Variants in ARHGAP32 observed in about 807,000 individuals in gnomAD.
ARHGAP32 encodes rho GTPase-activating protein 32.
A neutral mutation model predicts 186.5 loss-of-function variants in ARHGAP32; 51 were observed. The observed-to-expected ratio is 0.27, with a 90% CI of 0.22 to 0.35. The LOEUF is 0.35. Ranked by LOEUF, ARHGAP32 falls within the 10% of genes least tolerant of loss-of-function variation. The pLI is 1.00. For missense variants in ARHGAP32, 2,186 were observed against 2,623.5 expected (o/e 0.83, Z 3.64); for synonymous variants, 950 against 964.3 (o/e 0.99, Z 0.27).
At chr11:129,192,400 G>A (rs1944288379), upstream of ARHGAP32, among the ~76,000 whole-genome samples, 1 of 152,104 alleles carries the variant, frequency 6.6e-6, no homozygotes, top group Admixed American at 6.5e-5. Context: ...TGCCATACTG[G>A]TGACACCTAG....
At chr11:129,050,299 C>T (rs617620) in intron 10 of ARHGAP32, among the ~76,000 whole-genome samples, 135,717 of 152,280 alleles carry the variant, frequency 0.89, 60,760 homozygotes, top group African/African-American at 0.97. Flanking sequence ...TTGCCATTCA[C>T]ATATCCTTTT....
intron 1 of ARHGAP32, among the ~76,000 whole-genome samples, chr11:129,266,995 T>A (rs1056037296): frequency 2.0e-5 from 3 of 152,144 alleles, no homozygotes; most frequent in Admixed American, 1.3e-4. Flanking sequence ...GTGTACAGGC[T>A]GGAGTTCCAC....
intron 1 of ARHGAP32, among the ~76,000 whole-genome samples, chr11:129,215,671 T>C (rs79275758): frequency 0.014 from 2,071 of 152,270 alleles, 23 homozygotes; most frequent in Non-Finnish European, 0.023. Context: ...CTGACTCTCC[T>C]GTCTCTCTGA....
At chr11:129,072,015 G>C (rs1940885214) in intron 6 of ARHGAP32, among the ~76,000 whole-genome samples, 1 of 152,166 alleles carries the variant, frequency 6.6e-6, no homozygotes, top group Non-Finnish European at 1.5e-5. Flanking sequence ...TGAATTCATA[G>C]AAGCAGAGTT....
At chr11:129,173,443 G>A (rs949273644) in intron 1 of ARHGAP32, among the ~76,000 whole-genome samples, 9 of 152,052 alleles carry the variant, frequency 5.9e-5, no homozygotes, top group African/African-American at 1.9e-4. Flanking sequence ...AATTAAAAAG[G>A]AGGGACTCCT....
intron 1 of ARHGAP32, among the ~76,000 whole-genome samples, chr11:129,274,791 G>A (rs1945512344): frequency 6.6e-6 from 1 of 151,660 alleles, no homozygotes; most frequent in Non-Finnish European, 1.5e-5. Context: ...ACTCTGAGAA[G>A]CATGCCATAA....
chr11:129,192,107 T>G lies in ARHGAP32; in HGVS notation c.92A>C (p.Glu31Ala). Residue 31 changes from glutamate (E) to alanine (A), a missense_variant, in exon 1 of 23, where the codon GAG becomes GCG. Around this residue, in one of 5 missense-constraint regions of ARHGAP32, gnomAD observed 108 missense variants for 116.8 expected, o/e 0.92. Coordinates refer to ENST00000682385, the MANE Select transcript of ARHGAP32 (RefSeq NM_001378024.1). ...CCTGAACTTCTCTTCCCTTTCTTCC[T>G]CTTCACAGTCAGTCACCTGGATTAT... ...EVIIQVTDCE[E>A]EEREEKFRKM... The G allele has an allele frequency of 2.5e-6, 4 of 1,613,712 alleles. No homozygotes were observed. Among genetic ancestry groups the G allele is most frequent in the Non-Finnish European group, 3.4e-6 (4 of 1,179,708 alleles).
At chr11:129,073,758 AAAAC>A (rs1693089449) in intron 6 of ARHGAP32, among the ~76,000 whole-genome samples, 1 of 149,808 alleles carries the variant, frequency 6.7e-6, no homozygotes, top group Non-Finnish European at 1.5e-5. Context: ...CCTCAAAAAA[AAAAC>A]AAACAAAAAA....
intron 6 of ARHGAP32, among the ~76,000 whole-genome samples, chr11:129,091,889 T>C (rs1941586899): frequency 6.6e-6 from 1 of 152,052 alleles, no homozygotes; most frequent in South Asian, 2.1e-4. Flanking sequence ...TATAAAAAAG[T>C]ATGATTCTAG....
At chr11:129,205,962 G>T (rs1944509487) in intron 1 of ARHGAP32, among the ~76,000 whole-genome samples, 1 of 151,460 alleles carries the variant, frequency 6.6e-6, no homozygotes, top group South Asian at 2.1e-4. Flanking sequence ...GAACCAATAG[G>T]TATCTATTAC....
At chr11:129,230,796 C>T (rs1206140515) in intron 1 of ARHGAP32, among the ~76,000 whole-genome samples, 3 of 151,950 alleles carry the variant, frequency 2.0e-5, no homozygotes, top group Non-Finnish European at 4.4e-5. Flanking sequence ...ATATAAAAAT[C>T]CATAAAAAAG....
chr11:129,187,412 T>C (rs1443135118), intron 1 of ARHGAP32, among the ~76,000 whole-genome samples: 2 of 152,158 alleles, frequency 1.3e-5, no homozygotes, highest in East Asian at 1.9e-4. Context: ...GGATAGTTAA[T>C]GGGTCCAAAA....
intron 2 of ARHGAP32, among the ~76,000 whole-genome samples, chr11:129,160,452 C>A (rs1943505565): frequency 1.3e-5 from 2 of 152,102 alleles, no homozygotes; most frequent in South Asian, 4.1e-4. Flanking sequence ...TTCCTATACA[C>A]CAATAATAGA....
At chr11:129,018,652 T>C (rs559033603) in intron 11 of ARHGAP32, among the ~76,000 whole-genome samples, 2 of 152,272 alleles carry the variant, frequency 1.3e-5, no homozygotes, top group South Asian at 4.1e-4. Context: ...CTTGATTATA[T>C]CAGTTAAATT....
At chr11:129,198,119 T>A (rs1488937393) in intron 1 of ARHGAP32, among the ~76,000 whole-genome samples, 1 of 152,184 alleles carries the variant, frequency 6.6e-6, no homozygotes, top group Non-Finnish European at 1.5e-5. Flanking sequence ...ACACATGTAT[T>A]CAAAGGGAGA....
rs780126654 is a variant in ARHGAP32 at position 128,995,789 on chromosome 11, C to T, written c.1195+2530G>A. On this transcript the variant is annotated intron_variant, in intron 12 of 22. Transcript: ENST00000682385. The stretch of plus-strand genomic sequence containing the variant: ...AGGAGGCAGAGGTTGCAGTGAGCTG[C>T]GATTGGGCCACTGCACTCCAGCCTG... Among the ~76,000 whole-genome samples the T allele has an allele frequency of 6.6e-5, 10 of 152,146 alleles. No individual in the cohort carries two copies. In the East Asian group the frequency reaches 7.7e-4, roughly 12 times the overall value.
chr11:128,978,679 AAGC>A (rs1202401612), intron 19 of ARHGAP32, 88 bp downstream of exon 19: 4 of 1,321,900 alleles, frequency 3.0e-6, no homozygotes, highest in Non-Finnish European at 4.1e-6. Flanking sequence ...CACGTTATGG[AAGC>A]AGATCATAAC....
At chr11:128,976,096 T>A (rs1042683749) in intron 20 of ARHGAP32, among the ~76,000 whole-genome samples, 3 of 151,216 alleles carry the variant, frequency 2.0e-5, no homozygotes, top group Non-Finnish European at 4.4e-5. Context: ...TATATATATA[T>A]ATATATTCAC....
intron 1 of ARHGAP32, among the ~76,000 whole-genome samples, chr11:129,209,145 T>A (rs546751684): frequency 6.2e-4 from 95 of 152,268 alleles, no homozygotes; most frequent in African/African-American, 2.3e-3. Flanking sequence ...ATACACACAA[T>A]CTCATTAATA....
Sources: gnomAD v4.1 joint callset for allele counts (sites outside exome capture counted in the v4.1 genomes callset) on GRCh38, gnomAD v4.1.1 for gene constraint, gnomAD v4.1.1 regional missense constraint, MANE v1.5 for transcripts, NCBI Gene and HGNC (gene_info 2026-07-23, HGNC 2026-07-21) for gene names.